SRGAP1: variants seen among roughly 807,000 people sequenced by gnomAD.
The protein encoded by SRGAP1 is SLIT-ROBO Rho GTPase-activating protein 1.
SRGAP1 carries 43 observed loss-of-function variants against 121.9 expected under a neutral mutation model. The ratio of observed to expected loss-of-function variants is 0.35; its 90% CI spans 0.28 to 0.46. SRGAP1 has a LOEUF of 0.46. Among genes scored for constraint, SRGAP1 ranks in the 20% least tolerant of loss-of-function variants. The probability of loss-of-function intolerance (pLI) is 1.00; values close to 1 mark genes in which losing one functional copy is unlikely to be tolerated. For missense variants in SRGAP1, 1,102 were observed against 1,350.9 expected (o/e 0.82, Z 2.89); for synonymous variants, 447 against 485.4 (o/e 0.92, Z 1.04).
chr12:64,137,258 G>T (rs915494763), intron 21 of SRGAP1, among the ~76,000 whole-genome samples: 1 of 147,338 alleles, frequency 6.8e-6, no homozygotes, highest in African/African-American at 2.6e-5. Flanking sequence ...GACACAGTGA[G>T]ACTCCGTCTC....
At chr12:63,882,252 A>G (rs1337170254) in intron 1 of SRGAP1, among the ~76,000 whole-genome samples, 2 of 150,120 alleles carry the variant, frequency 1.3e-5, no homozygotes, top group Non-Finnish European at 3.0e-5. Flanking sequence ...TCCAGTGTTT[A>G]TAATGCTTCT....
intron 1 of SRGAP1, among the ~76,000 whole-genome samples, chr12:63,947,361 A>G (rs1487030926): frequency 6.6e-6 from 1 of 152,142 alleles, no homozygotes; most frequent in Non-Finnish European, 1.5e-5. Context: ...ATTGTGGCTT[A>G]ATTTGCATTT....
chr12:63,906,176 T>C (rs1432940311), intron 1 of SRGAP1, among the ~76,000 whole-genome samples: 1 of 152,236 alleles, frequency 6.6e-6, no homozygotes, highest in African/African-American at 2.4e-5. Flanking sequence ...TCACTTAGCC[T>C]GTTTTGAGGC....
chr12:63,952,032 A>T (rs982547183), intron 1 of SRGAP1, among the ~76,000 whole-genome samples: 1 of 152,202 alleles, frequency 6.6e-6, no homozygotes, highest in African/African-American at 2.4e-5. Flanking sequence ...CCTATGGCTC[A>T]TGCAGAAAAT....
intron 1 of SRGAP1, among the ~76,000 whole-genome samples, chr12:63,929,574 A>G (rs1254729816): frequency 2.9e-5 from 4 of 136,376 alleles, no homozygotes; most frequent in Non-Finnish European, 4.6e-5. Context: ...AGCCCCCACG[A>G]GTTTTTTTTT....
chr12:64,049,424 T>C (rs1212419254), intron 6 of SRGAP1, among the ~76,000 whole-genome samples: 1 of 152,198 alleles, frequency 6.6e-6, no homozygotes, highest in Non-Finnish European at 1.5e-5. Flanking sequence ...CAAACACGTC[T>C]TTCTTCACAT....
intron 1 of SRGAP1, among the ~76,000 whole-genome samples, chr12:63,927,022 A>G (rs1041359760): frequency 6.6e-6 from 1 of 152,046 alleles, no homozygotes; most frequent in African/African-American, 2.4e-5. Flanking sequence ...CTACCTGGAT[A>G]TTTTTCCAAT....
At chr12:63,951,613 G>A (rs1472016365) in intron 1 of SRGAP1, among the ~76,000 whole-genome samples, 1 of 152,202 alleles carries the variant, frequency 6.6e-6, no homozygotes, top group Non-Finnish European at 1.5e-5. Flanking sequence ...ATATTTTTAA[G>A]TGTTGTAGAG....
chr12:64,155,226 T>G lies in SRGAP1; in HGVS notation c.*12554T>G, dbSNP rs2037154498. On this transcript the variant is annotated 3_prime_UTR_variant, in exon 22 of 22. Transcript: ENST00000355086. ...TGCCCAGCTAGTTTTTGTATTTTTTTGTAGAGACGGGGTTTCACCATGTTG... is the reference window on the plus strand; with the variant it reads ...TGCCCAGCTAGTTTTTGTATTTTTTGGTAGAGACGGGGTTTCACCATGTTG... 1 of 151,982 alleles carries G rather than the reference T, an allele frequency of 6.6e-6. No individual in the cohort carries two copies. Among genetic ancestry groups the G allele is most frequent in the African/African-American group, 2.4e-5 (1 of 41,390 alleles). The allele number at this position is 151,982 out of a possible 1,614,324, so 9.4% of individuals were successfully genotyped here.
At chr12:63,868,083 T>G (rs1592897780) in intron 1 of SRGAP1, among the ~76,000 whole-genome samples, 35 of 84,796 alleles carry the variant, frequency 4.1e-4, no homozygotes, top group African/African-American at 1.3e-3. Context: ...TTTTTTGTTT[T>G]TTTTTTTTTG....
intron 19 of SRGAP1, 25 bp from the exon 20 acceptor site, chr12:64,127,565 G>T: frequency 6.4e-7 from 1 of 1,568,112 alleles, no homozygotes; most frequent in South Asian, 1.2e-5. Context: ...AGTAAATTTT[G>T]TCTCCATTCC....
intron 15 of SRGAP1, 25 bp from the exon 16 acceptor site, chr12:64,108,907 T>C (rs1440206757): frequency 1.9e-6 from 3 of 1,562,712 alleles, no homozygotes; most frequent in Admixed American, 1.7e-5. Context: ...GAAAGGACTC[T>C]GACCATGTCA....
intron 21 of SRGAP1, among the ~76,000 whole-genome samples, chr12:64,137,282 T>A (rs553973371): frequency 1.0e-3 from 149 of 148,556 alleles, no homozygotes; most frequent in Middle Eastern, 3.5e-3. Flanking sequence ...AAAAAAAAAA[T>A]GTAAATTATA....
At chr12:63,863,281 T>C (rs1565925499) in intron 1 of SRGAP1, among the ~76,000 whole-genome samples, 2 of 151,478 alleles carry the variant, frequency 1.3e-5, no homozygotes, top group Non-Finnish European at 2.9e-5. Context: ...TTTTTCTTTT[T>C]TTTTTTTTTG....
chr12:63,937,194 A>C (rs1259324326), intron 1 of SRGAP1, among the ~76,000 whole-genome samples: 1 of 152,192 alleles, frequency 6.6e-6, no homozygotes, highest in Non-Finnish European at 1.5e-5. Context: ...TCAAAAAATT[A>C]AGTTGGGATT....
chr12:63,850,635 T>C (rs888055440), intron 1 of SRGAP1, among the ~76,000 whole-genome samples: 1 of 148,660 alleles, frequency 6.7e-6, no homozygotes, highest in Non-Finnish European at 1.5e-5. Flanking sequence ...GGTTTCGCCA[T>C]GTTGCCCAGA....
chr12:63,939,555 C>T (rs113277266), intron 1 of SRGAP1, among the ~76,000 whole-genome samples: 2 of 152,236 alleles, frequency 1.3e-5, no homozygotes, highest in African/African-American at 2.4e-5. Context: ...GATAAATGCA[C>T]CCCATAGTGT....
At position 63,959,164 on chromosome 12, in the gene SRGAP1, C is replaced by G. The variant is rs545482726; in HGVS notation, c.68-24783C>G. Reference sequence around the variant, plus strand: ...TCCGTGCCAGAAAACCAGATACCATCTACCCTAATCGTCTGATTTAAAATT... The same window carrying G: ...TCCGTGCCAGAAAACCAGATACCATGTACCCTAATCGTCTGATTTAAAATT... On this transcript the variant is annotated intron_variant, in intron 1 of 21. Transcript: ENST00000355086. Among the ~76,000 whole-genome samples the G allele has an allele frequency of 3.5e-4, 53 of 152,304 alleles. No homozygotes were observed. In the South Asian group the frequency reaches 8.1e-3, roughly 23 times the overall value.
chr12:63,891,637 T>C (rs879593371), intron 1 of SRGAP1, among the ~76,000 whole-genome samples: 5 of 152,072 alleles, frequency 3.3e-5, no homozygotes, highest in African/African-American at 4.8e-5. Context: ...ATTTGAAACA[T>C]ATTAGTATAT....
Sources: allele counts gnomAD v4.1 joint callset (sites outside exome capture counted in the v4.1 genomes callset), GRCh38; gene constraint gnomAD v4.1.1; transcripts MANE v1.5; gene names NCBI Gene and HGNC (gene_info 2026-07-23, HGNC 2026-07-21).